NFX1: variants seen among roughly 807,000 people sequenced by gnomAD.
The protein encoded by NFX1 is transcriptional repressor NF-X1.
A neutral mutation model predicts 137.2 loss-of-function variants in NFX1; 69 were observed. The ratio of observed to expected loss-of-function variants is 0.50; its 90% CI spans 0.41 to 0.61. The LOEUF (loss-of-function observed/expected upper bound fraction) is 0.61. NFX1 is among the 20% of genes least tolerant of loss of function. NFX1 has a pLI of 0.00. For missense variants in NFX1, 1,167 were observed against 1,391.0 expected, an observed-to-expected ratio of 0.84 and a Z score of 2.56; for synonymous variants, 495 against 474.1, an observed-to-expected ratio of 1.04 and a Z score of -0.57.
chr9:33,358,437 T>G (rs1189604091), intron 19 of NFX1, among the ~76,000 whole-genome samples: 3 of 152,038 alleles, frequency 2.0e-5, no homozygotes, highest in Non-Finnish European at 2.9e-5. Context: ...TTTTAATTTT[T>G]TTTAAATTAT....
At chr9:33,315,225 CAAA>C (rs60137205) in intron 7 of NFX1, among the ~76,000 whole-genome samples, 15 of 90,786 alleles carry the variant, frequency 1.7e-4, no homozygotes, top group Admixed American at 1.3e-4. Context: ...AACTCTGTCT[CAAA>C]AAAAAAAAAA....
intron 7 of NFX1, among the ~76,000 whole-genome samples, chr9:33,317,669 A>C (rs1317296256): frequency 1.3e-5 from 2 of 151,852 alleles, no homozygotes; most frequent in African/African-American, 4.8e-5. Flanking sequence ...TCTTTAAAAA[A>C]AAAAAAATCT....
At chr9:33,365,438 G>A (rs1303424719) in intron 21 of NFX1, 1 of 152,102 alleles carries the variant, frequency 6.6e-6, no homozygotes, top group Non-Finnish European at 1.5e-5. Context: ...GCAAAACCCT[G>A]TCTCTACAAA....
At chr9:33,294,398 A>T in intron 1 of NFX1, 22 bp from the exon 2 acceptor site, 1 of 1,527,042 alleles carries the variant, frequency 6.5e-7, no homozygotes, top group Non-Finnish European at 8.8e-7. Context: ...CTTTACTGGC[A>T]TGTCTATTTT....
chr9:33,311,235 G>A, intron 6 of NFX1, 58 bp downstream of exon 6: 1 of 1,459,706 alleles, frequency 6.9e-7, no homozygotes, highest in Non-Finnish European at 9.6e-7. Flanking sequence ...TGATTGACTT[G>A]TGAATTTCTG....
intron 1 of NFX1, among the ~76,000 whole-genome samples, chr9:33,291,204 T>TA (rs1821148162): frequency 6.6e-6 from 1 of 152,212 alleles, no homozygotes; most frequent in Admixed American, 6.5e-5. Flanking sequence ...TGTTCGTTGA[T>TA]ATAACATCCA....
Position 33,367,586 on chromosome 9 carries a change from C to A in NFX1, c.3257C>A (p.Pro1086Gln), listed in dbSNP as rs2274866. 5.4e-4 allele frequency: 872 copies of A among 1,613,880 alleles called. 18 individuals carry two copies. In the East Asian group the frequency reaches 0.019, roughly 35 times the overall value. The change falls in exon 23 of 24, where the codon CCA becomes CAA. Residue 1086 changes from proline (P) to glutamine (Q), a missense_variant. Pro to Gln is a moderately conservative substitution (Grantham distance 76). Coordinates refer to ENST00000379540, the MANE Select transcript of NFX1 (RefSeq NM_002504.6). ...LEREMQARPP[P>Q]PIPHHRHQSD... ...AGGGAAATGCAGGCACGGCCTCCAC[C>A]ACCGATTCCTCATCACAGACATCAG...
chr9:33,368,001 A>C (rs1252871727), intron 23 of NFX1, among the ~76,000 whole-genome samples: 2 of 152,240 alleles, frequency 1.3e-5, no homozygotes, highest in African/African-American at 4.8e-5. Context: ...TGGGAGGCCA[A>C]GGCGGGTGGA....
At chr9:33,290,820 A>G (rs184831289) in intron 1 of NFX1, among the ~76,000 whole-genome samples, 1 of 152,272 alleles carries the variant, frequency 6.6e-6, no homozygotes, top group Admixed American at 6.5e-5. Flanking sequence ...AGGAGAGAGG[A>G]CTTGTCCCGG....
intron 9 of NFX1, among the ~76,000 whole-genome samples, chr9:33,319,998 G>A (rs1184599316): frequency 2.7e-5 from 4 of 146,348 alleles, no homozygotes; most frequent in Non-Finnish European, 6.0e-5. Context: ...GTCTCGCTCT[G>A]TTGCCCAGGC....
At chr9:33,366,542 C>T in intron 21 of NFX1, 87 bp from the exon 22 acceptor site, 1 of 1,493,016 alleles carries the variant, frequency 6.7e-7, no homozygotes, top group Non-Finnish European at 9.2e-7. Flanking sequence ...CTTATTGATC[C>T]CTGCAATTCT....
intron 5 of NFX1, among the ~76,000 whole-genome samples, chr9:33,308,249 C>T (rs998722896): frequency 1.3e-5 from 2 of 152,140 alleles, no homozygotes; most frequent in Non-Finnish European, 2.9e-5. Flanking sequence ...CTAGACCAGA[C>T]TAGGCAACAA....
At chr9:33,319,267 G>C (rs370265170) in intron 9 of NFX1, 140 bp downstream of exon 9, 1 of 724,734 alleles carries the variant, frequency 1.4e-6, no homozygotes. Context: ...ATGTAGGTAC[G>C]TTTTCTTTCC....
chr9:33,364,042 A>C lies in NFX1; in HGVS notation c.2906A>C (p.Asp969Ala). ...RLAEAFHISE[D>A]SDPFNIRSSG... ...GCAGAGGCATTTCATATCAGTGAGGATTCTGATCCTTTCAATATACGTTCT... is the reference window on the plus strand; with the variant it reads ...GCAGAGGCATTTCATATCAGTGAGGCTTCTGATCCTTTCAATATACGTTCT... Residue 969 changes from aspartate to alanine, a missense_variant, in exon 20 of 24, where the codon GAT (aspartate) becomes GCT (alanine). By Grantham distance (126) the Asp-to-Ala change is moderately radical. Transcript: ENST00000379540. 6.2e-7 allele frequency: 1 copy of C among 1,602,214 alleles called. No individual in the cohort carries two copies. The highest frequency in any genetic ancestry group is 8.5e-7 in the Non-Finnish European group (1 of 1,174,970).
At chr9:33,357,061 C>T (rs1823835476) in intron 19 of NFX1, among the ~76,000 whole-genome samples, 2 of 149,940 alleles carry the variant, frequency 1.3e-5, no homozygotes, top group African/African-American at 2.5e-5. Context: ...CCTATAATCC[C>T]AGCACTTTGG....
Position 33,294,929 on chromosome 9 carries a change from G to A in NFX1, c.535G>A (p.Gly179Ser), listed in dbSNP as rs1394383031. The A allele has an allele frequency of 6.2e-7, 1 of 1,614,138 alleles. No individual in the cohort carries two copies. The highest frequency in any genetic ancestry group is 8.5e-7 in the Non-Finnish European group (1 of 1,180,034). ...KKATQFVYSY[G>S]RGPKVKGKLK... Reference sequence around the variant, plus strand: ...AGCAACACAGTTTGTATACAGCTATGGTAGAGGACCAAAAGTCAAGGGGAA... The same window carrying A: ...AGCAACACAGTTTGTATACAGCTATAGTAGAGGACCAAAAGTCAAGGGGAA... The change falls in exon 2 of 24, where the codon GGT (glycine) becomes AGT (serine). Residue 179 changes from glycine (G) to serine (S), a missense_variant. Physicochemically the swap from Gly to Ser is moderately conservative, Grantham distance 56. Around this residue, in one of 3 missense-constraint regions of NFX1, gnomAD observed 367 missense variants for 386.7 expected, o/e 0.95. Transcript: ENST00000379540.
intron 22 of NFX1, 78 bp from the exon 23 acceptor site, chr9:33,367,437 G>T: frequency 6.8e-7 from 1 of 1,467,180 alleles, no homozygotes. Context: ...CCAAAATCAA[G>T]GGCTGAGTTT....
chr9:33,328,642 A>T lies in NFX1; in HGVS notation c.1968A>T (p.Thr656=). ...GAGACTGTGGACCATGCTCTCGCACATCAGTTATTTCCTGCAGATGCTCTT... is the reference window on the plus strand; with the variant it reads ...GAGACTGTGGACCATGCTCTCGCACTTCAGTTATTTCCTGCAGATGCTCTT... ...HEGDCGPCSR[T]SVISCRCSFR... is the part of the protein sequence containing the mutation. The change falls in exon 10 of 24, where the codon ACA becomes ACT. Residue 656 remains threonine (T), a synonymous_variant. Coordinates refer to ENST00000379540, the MANE Select transcript of NFX1 (RefSeq NM_002504.6). 1 of 1,612,444 alleles carries T rather than the reference A, an allele frequency of 6.2e-7. No homozygotes were observed. Among genetic ancestry groups the T allele is most frequent in the East Asian group, 2.2e-5 (1 of 44,828 alleles).
chr9:33,324,590 A>T (rs999321039), intron 9 of NFX1, among the ~76,000 whole-genome samples: 1 of 152,016 alleles, frequency 6.6e-6, no homozygotes, highest in African/African-American at 2.4e-5. Context: ...TCAATAGTAG[A>T]TTTGAGCTGG....
Sources: allele counts gnomAD v4.1 joint callset (sites outside exome capture counted in the v4.1 genomes callset), GRCh38; gene constraint gnomAD v4.1.1; regional missense constraint gnomAD v4.1.1; transcripts MANE v1.5; gene names NCBI Gene and HGNC (gene_info 2026-07-23, HGNC 2026-07-21).